The following IGFL2 variants were observed in gnomAD, a reference collection of about 807,000 sequenced individuals.
IGFL2 encodes insulin growth factor-like family member 2.
In IGFL2, 7 loss-of-function variants were observed where a neutral mutation model predicts 13.9. The observed-to-expected ratio is 0.51, with a 90% CI of 0.29 to 0.95. IGFL2 has a LOEUF of 0.95. Ranked by LOEUF, IGFL2 falls within the 40% of genes least tolerant of loss-of-function variation. IGFL2 has a pLI of 0.08. For missense variants in IGFL2, 138 were observed against 147.8 expected (o/e 0.93, Z 0.34); for synonymous variants, 55 against 55.8 (o/e 0.99, Z 0.07).
the IGFL2 span, among the ~76,000 whole-genome samples, chr19:46,194,852 ATTTTT>A: frequency 0.097 from 3,025 of 31,238 alleles, 112 homozygotes; most frequent in Middle Eastern, 0.25. Flanking sequence ...ATATATATAT[ATTTTT>A]TTTTTTTTTT....
the IGFL2 span, among the ~76,000 whole-genome samples, chr19:46,170,093 G>A: frequency 6.6e-6 from 1 of 152,102 alleles, no homozygotes; most frequent in Admixed American, 6.6e-5. Flanking sequence ...GGCACCATAT[G>A]GGAGATATGA....
At chr19:46,085,025 G>T in the IGFL2 span, among the ~76,000 whole-genome samples, 3 of 152,152 alleles carry the variant, frequency 2.0e-5, no homozygotes, top group Non-Finnish European at 4.4e-5. Context: ...ATCAAAACAA[G>T]TTATTTACTG....
the IGFL2 span, among the ~76,000 whole-genome samples, chr19:46,119,489 G>A: frequency 7.0e-6 from 1 of 142,022 alleles, no homozygotes; most frequent in East Asian, 2.2e-4. Flanking sequence ...TGGAGCCAGG[G>A]TATGCTGCTC....
At chr19:46,120,177 C>T in the IGFL2 span, 3 of 1,082,580 alleles carry the variant, frequency 2.8e-6, no homozygotes, top group African/African-American at 5.0e-5. Flanking sequence ...GAAGTCTGGC[C>T]ATCCCCAGCT....
downstream of IGFL2, among the ~76,000 whole-genome samples, chr19:46,161,518 T>G (rs1202340978): frequency 6.6e-6 from 1 of 152,202 alleles, no homozygotes; most frequent in Non-Finnish European, 1.5e-5. Context: ...CTCTGTTGGT[T>G]GCAAATATAT....
At chr19:46,194,559 C>T in the IGFL2 span, among the ~76,000 whole-genome samples, 2 of 152,190 alleles carry the variant, frequency 1.3e-5, no homozygotes, top group South Asian at 2.1e-4. Flanking sequence ...CGGTGGCTCA[C>T]GCCTGTAATC....
upstream of IGFL2, among the ~76,000 whole-genome samples, chr19:46,147,234 G>C (rs1330267912): frequency 1.3e-5 from 2 of 152,116 alleles, no homozygotes; most frequent in Non-Finnish European, 2.9e-5. Context: ...AGACAGTGCT[G>C]TCTACAATTA....
the IGFL2 span, among the ~76,000 whole-genome samples, chr19:46,106,768 C>G: frequency 6.6e-6 from 1 of 152,068 alleles, no homozygotes; most frequent in Non-Finnish European, 1.5e-5. Flanking sequence ...CAGGCTTTAA[C>G]CTTTTTAAAG....
the IGFL2 span, among the ~76,000 whole-genome samples, chr19:46,099,671 G>A: frequency 6.6e-6 from 1 of 151,842 alleles, no homozygotes; most frequent in South Asian, 2.1e-4. Context: ...GGTATTACAG[G>A]CGCCTGCCAC....
At chr19:46,139,239 G>T (rs1972744990), upstream of IGFL2, among the ~76,000 whole-genome samples, 1 of 151,182 alleles carries the variant, frequency 6.6e-6, no homozygotes, top group Admixed American at 6.6e-5. Context: ...TCGAAGATCT[G>T]CTTGGTGTAT....
chr19:46,124,754 T>G, the IGFL2 span: 1 of 974,356 alleles, frequency 1.0e-6, no homozygotes, highest in Non-Finnish European at 1.7e-6. Context: ...GTTTACTGAT[T>G]GGATGGCTGC....
the IGFL2 span, among the ~76,000 whole-genome samples, chr19:46,101,851 A>G: frequency 6.6e-6 from 1 of 152,196 alleles, no homozygotes; most frequent in South Asian, 2.1e-4. Context: ...CACAGGTTGC[A>G]CATCCATGAA....
chr19:46,141,363 A>G (rs1318797128), upstream of IGFL2, among the ~76,000 whole-genome samples: 1 of 152,174 alleles, frequency 6.6e-6, no homozygotes. Context: ...TGACTGTGAT[A>G]GTCCCGGGTG....
At chr19:46,204,567 C>T in the IGFL2 span, among the ~76,000 whole-genome samples, 1 of 152,176 alleles carries the variant, frequency 6.6e-6, no homozygotes, top group African/African-American at 2.4e-5. Context: ...TGCTCCCTGT[C>T]CTCAAACAGC....
At chr19:46,110,183 T>C in the IGFL2 span, among the ~76,000 whole-genome samples, 1 of 152,244 alleles carries the variant, frequency 6.6e-6, no homozygotes, top group Non-Finnish European at 1.5e-5. Flanking sequence ...TGTCACTGTT[T>C]GATAAACTGC....
At chr19:46,178,242 AC>A in the IGFL2 span, among the ~76,000 whole-genome samples, 3 of 151,878 alleles carry the variant, frequency 2.0e-5, no homozygotes, top group African/African-American at 7.3e-5. Flanking sequence ...GTGCCACTGC[AC>A]TCCAGCCTGG....
chr19:46,183,871 C>T, the IGFL2 span, among the ~76,000 whole-genome samples: 1 of 152,072 alleles, frequency 6.6e-6, no homozygotes, highest in Non-Finnish European at 1.5e-5. Context: ...CCTTGTCTTT[C>T]GCTTCTCTAC....
the IGFL2 span, among the ~76,000 whole-genome samples, chr19:46,192,620 C>T: frequency 3.3e-5 from 5 of 151,924 alleles, no homozygotes; most frequent in African/African-American, 1.2e-4. Flanking sequence ...GGGGTTTCAC[C>T]ATGTTGACCA....
the IGFL2 span, chr19:46,203,384 A>C: frequency 3.3e-5 from 5 of 152,994 alleles, no homozygotes; most frequent in Non-Finnish European, 5.8e-5. Flanking sequence ...CAGAGGCCTG[A>C]CACCAGAGAG....
Sources: gnomAD v4.1 joint callset for allele counts (sites outside exome capture counted in the v4.1 genomes callset) on GRCh38, gnomAD v4.1.1 for gene constraint, MANE v1.5 for transcripts, NCBI Gene and HGNC (gene_info 2026-07-23, HGNC 2026-07-21) for gene names.